The following CTNNA3 variants were observed in gnomAD, a reference collection of about 807,000 sequenced individuals.
CTNNA3 encodes catenin alpha-3.
Under a neutral mutation model 95.7 loss-of-function variants are expected in CTNNA3, and 76 were observed. The observed-to-expected ratio is 0.79, with a 90% CI of 0.66 to 0.96. The LOEUF is 0.96. Among genes scored for constraint, CTNNA3 ranks in the 40% least tolerant of loss-of-function variants. The pLI, the probability that CTNNA3 is intolerant of heterozygous loss-of-function variation, is 0.00. For synonymous variants in CTNNA3, 431 were observed against 374.4 expected (o/e 1.15, Z -1.74); for missense variants, 1,191 against 1,089.8 (o/e 1.09, Z -1.31).
intron 7 of CTNNA3, among the ~76,000 whole-genome samples, chr10:66,983,411 G>A (rs2132892284): frequency 6.6e-6 from 1 of 152,238 alleles, no homozygotes; most frequent in South Asian, 2.1e-4. Context: ...TTTTGTACGG[G>A]TGCCCAGGCA....
chr10:67,560,668 C>T (rs1164688473), intron 3 of CTNNA3, among the ~76,000 whole-genome samples: 1 of 152,132 alleles, frequency 6.6e-6, no homozygotes, highest in African/African-American at 2.4e-5. Flanking sequence ...GGACTAAATG[C>T]TCCAATTAAC....
rs531225964 is a variant in CTNNA3, at chr10:67,152,891, T to A, written c.1047+27426A>T. ...GAAAGAGAATGAAACTAACGTTTAT[T>A]ACATGCCTACCATAGGCGAGGCACT... On this transcript the variant is annotated intron_variant, in intron 7 of 17. Transcript: ENST00000433211. Among the ~76,000 whole-genome samples the A allele has an allele frequency of 2.8e-4, 43 of 152,342 alleles. 1 individual carries two copies. Among genetic ancestry groups the A allele is most frequent in the African/African-American group, 9.4e-4 (39 of 41,594 alleles).
intron 12 of CTNNA3, among the ~76,000 whole-genome samples, chr10:66,336,657 T>C (rs2132340118): frequency 6.6e-6 from 1 of 152,250 alleles, no homozygotes; most frequent in South Asian, 2.1e-4. Context: ...TTATGTTTTC[T>C]AATATTCCAA....
intron 13 of CTNNA3, among the ~76,000 whole-genome samples, chr10:66,128,045 C>T (rs991607151): frequency 6.6e-6 from 1 of 152,066 alleles, no homozygotes; most frequent in African/African-American, 2.4e-5. Context: ...GTCCTCTAGC[C>T]TGGGTGACAC....
chr10:66,355,850 C>T (rs978028748), intron 12 of CTNNA3, among the ~76,000 whole-genome samples: 4 of 151,658 alleles, frequency 2.6e-5, no homozygotes, highest in Non-Finnish European at 4.4e-5. Context: ...AAGCTGTTAT[C>T]TAATTTGAGT....
chr10:66,780,394 A>C (rs1840480592), intron 7 of CTNNA3, among the ~76,000 whole-genome samples: 1 of 85,742 alleles, frequency 1.2e-5, no homozygotes, highest in Admixed American at 1.4e-4. Context: ...CACAGACTTA[A>C]GGACTCTATA....
At chr10:66,705,214 TATTTC>T (rs1475206089) in intron 9 of CTNNA3, among the ~76,000 whole-genome samples, 2 of 152,116 alleles carry the variant, frequency 1.3e-5, no homozygotes, top group African/African-American at 4.8e-5. Context: ...GGATAAATCG[TATTTC>T]ATTAGGATAT....
chr10:66,109,866 C>CA (rs201092050), intron 13 of CTNNA3, among the ~76,000 whole-genome samples: 60,199 of 140,580 alleles, frequency 0.43, 12,570 homozygotes, highest in African/African-American at 0.53. Context: ...ACTTAAAGTA[C>CA]AAAAAAAAAA....
chr10:66,885,749 AACTCCTGCTG>A (rs1845019032), intron 7 of CTNNA3, among the ~76,000 whole-genome samples: 1 of 152,140 alleles, frequency 6.6e-6, no homozygotes, highest in Non-Finnish European at 1.5e-5. Flanking sequence ...AAATAAAATA[AACTCCTGCTG>A]AATAAAGGAT....
intron 7 of CTNNA3, among the ~76,000 whole-genome samples, chr10:66,999,173 G>A (rs993480188): frequency 9.9e-5 from 15 of 151,988 alleles, no homozygotes; most frequent in African/African-American, 3.4e-4. Context: ...TTGATGGTTT[G>A]CACTCAAATA....
At chr10:67,136,397 T>A (rs1860309402) in intron 7 of CTNNA3, among the ~76,000 whole-genome samples, 1 of 152,152 alleles carries the variant, frequency 6.6e-6, no homozygotes, top group African/African-American at 2.4e-5. Flanking sequence ...ACTATATTTT[T>A]AATTAAATTT....
At chr10:66,552,418 G>C (rs1461294877) in intron 10 of CTNNA3, among the ~76,000 whole-genome samples, 1 of 152,080 alleles carries the variant, frequency 6.6e-6, no homozygotes, top group African/African-American at 2.4e-5. Context: ...ACACACACAT[G>C]CACACAACAG....
chr10:66,804,389 T>C (rs1296921324), intron 7 of CTNNA3, among the ~76,000 whole-genome samples: 1 of 152,070 alleles, frequency 6.6e-6, no homozygotes, highest in Non-Finnish European at 1.5e-5. Flanking sequence ...TCCGCGCATC[T>C]GTATCCTTGC....
rs1845007696 is a variant in CTNNA3 at position 66,628,242 on chromosome 10, G to T, written c.1282-6458C>A. Among the ~76,000 whole-genome samples, 3 of 152,104 alleles carry T rather than the reference G, an allele frequency of 2.0e-5. No individual in the cohort carries two copies. In the South Asian group the frequency reaches 6.2e-4, roughly 31 times the overall value. On this transcript the variant is annotated intron_variant, in intron 9 of 17. Coordinates refer to ENST00000433211, the MANE Select transcript of CTNNA3 (RefSeq NM_013266.4). Reference sequence around the variant, plus strand: ...ATATAAATTATTGTCTATTGTGTCTGAAATTAACACATTTGGTGAATTCTA... The same window carrying T: ...ATATAAATTATTGTCTATTGTGTCTTAAATTAACACATTTGGTGAATTCTA...
At chr10:67,032,880 T>C (rs184429296) in intron 7 of CTNNA3, among the ~76,000 whole-genome samples, 1 of 152,286 alleles carries the variant, frequency 6.6e-6, no homozygotes, top group African/African-American at 2.4e-5. Flanking sequence ...TTAAAACAAC[T>C]AAGGTTTTGG....
intron 7 of CTNNA3, among the ~76,000 whole-genome samples, chr10:66,932,696 A>T (rs1202909733): frequency 1.4e-5 from 1 of 72,140 alleles, no homozygotes; most frequent in African/African-American, 3.2e-5. Flanking sequence ...TTAAAAATGA[A>T]TTAAAGAAAT....
At chr10:66,565,995 G>A (rs184021915) in intron 10 of CTNNA3, among the ~76,000 whole-genome samples, 14 of 152,284 alleles carry the variant, frequency 9.2e-5, no homozygotes, top group African/African-American at 3.4e-4. Context: ...AGGTCAGGAC[G>A]AGTAGGTTGA....
intron 8 of CTNNA3, among the ~76,000 whole-genome samples, chr10:66,770,688 C>T (rs1484320003): frequency 1.3e-5 from 2 of 151,900 alleles, no homozygotes; most frequent in Non-Finnish European, 2.9e-5. Flanking sequence ...TAAAAAAGCC[C>T]CACCATTCCC....
chr10:67,596,496 G>T (rs2133697), intron 3 of CTNNA3, among the ~76,000 whole-genome samples: 20,028 of 152,148 alleles, frequency 0.13, 1,635 homozygotes, highest in South Asian at 0.3. Context: ...TCTAAAAAGG[G>T]TTTTATTTCT....
Sources: allele counts gnomAD v4.1 joint callset (sites outside exome capture counted in the v4.1 genomes callset), GRCh38; gene constraint gnomAD v4.1.1; transcripts MANE v1.5; gene names NCBI Gene and HGNC (gene_info 2026-07-23, HGNC 2026-07-21).